Variants in SLC25A51 observed in about 807,000 individuals in gnomAD.
The protein encoded by SLC25A51 is solute carrier family 25 member 51.
In SLC25A51, 11 loss-of-function variants were observed where a neutral mutation model predicts 19.1. The observed-to-expected ratio is 0.58, with a 90% confidence interval of 0.36 to 0.96. SLC25A51 has a LOEUF of 0.96. SLC25A51 is among the 40% of genes least tolerant of loss of function. The pLI is 0.01. For missense variants in SLC25A51, 201 were observed against 365.4 expected, an observed-to-expected ratio of 0.55 and a Z score of 3.67; for synonymous variants, 105 against 133.6, an observed-to-expected ratio of 0.79 and a Z score of 1.47.
At chr9:37,886,328 G>C (rs981092184), downstream of SLC25A51, 19 of 1,613,858 alleles carry the variant, frequency 1.2e-5, no homozygotes, top group African/African-American at 1.2e-4. Flanking sequence ...TATCCCTGAG[G>C]AGCAGCCTGT....
intron 2 of SLC25A51, among the ~76,000 whole-genome samples, chr9:37,895,670 C>T (rs1266825641): frequency 6.6e-6 from 1 of 152,060 alleles, no homozygotes; most frequent in Non-Finnish European, 1.5e-5. Flanking sequence ...CAAATTGTGG[C>T]AAATAATTTT....
intron 2 of SLC25A51, among the ~76,000 whole-genome samples, chr9:37,898,989 T>G (rs1035736062): frequency 8.5e-5 from 13 of 152,170 alleles, no homozygotes; most frequent in African/African-American, 2.9e-4. Context: ...AACCTACTAA[T>G]TACCTACTTA....
At chr9:37,883,138 C>G (rs1564064848), downstream of SLC25A51, among the ~76,000 whole-genome samples, 3 of 152,246 alleles carry the variant, frequency 2.0e-5, no homozygotes, top group Admixed American at 1.3e-4. Flanking sequence ...AGCCACCGCA[C>G]CCGGCCTGCC....
At position 37,887,796 on chromosome 9, in the gene SLC25A51, T is replaced by A; in HGVS notation, c.755A>T (p.Lys252Met). Residue 252 changes from lysine to methionine, a missense_variant, in exon 3 of 3, where the codon AAG (lysine) becomes ATG (methionine). Coordinates refer to ENST00000242275, the MANE Select transcript of SLC25A51 (RefSeq NM_033412.4). ...TTCCAGCCAGATTTTTTGGAAAACC[T>A]TGGGGAAAGACTGAAATTCCCCACC... is the stretch of plus-strand genomic sequence containing the variant. ...QIGGEFQSFP[K>M]VFQKIWLERD... The A allele has an allele frequency of 6.2e-7, 1 of 1,613,816 alleles. No homozygotes were observed. Among genetic ancestry groups the A allele is most frequent in the Non-Finnish European group, 8.5e-7 (1 of 1,179,866 alleles).
intron 2 of SLC25A51, among the ~76,000 whole-genome samples, chr9:37,899,121 C>T (rs1295220050): frequency 1.3e-5 from 2 of 152,208 alleles, no homozygotes. Flanking sequence ...GAGCTAACAA[C>T]ATGTAAAGTG....
chr9:37,889,021 T>TA (rs1170021968), intron 2 of SLC25A51, among the ~76,000 whole-genome samples: 1 of 152,262 alleles, frequency 6.6e-6, no homozygotes, highest in Non-Finnish European at 1.5e-5. Context: ...ATCATTACCT[T>TA]AAAATTCATA....
At chr9:37,884,743 A>G (rs1831412229), downstream of SLC25A51, among the ~76,000 whole-genome samples, 1 of 152,226 alleles carries the variant, frequency 6.6e-6, no homozygotes, top group South Asian at 2.1e-4. Context: ...AGCTAACCAG[A>G]ATTTGATCCA....
At chr9:37,896,670 C>A (rs991030877) in intron 2 of SLC25A51, among the ~76,000 whole-genome samples, 1 of 152,122 alleles carries the variant, frequency 6.6e-6, no homozygotes, top group Non-Finnish European at 1.5e-5. Context: ...GTGGTGTGCA[C>A]CTGTTGTCCC....
At chr9:37,882,762 C>T (rs1831373436), downstream of SLC25A51, among the ~76,000 whole-genome samples, 1 of 152,188 alleles carries the variant, frequency 6.6e-6, no homozygotes, top group African/African-American at 2.4e-5. Flanking sequence ...CCATAAGTGT[C>T]CTGCGCTCAT....
At chr9:37,887,243 G>A (rs1587157308), downstream of SLC25A51, among the ~76,000 whole-genome samples, 1 of 151,950 alleles carries the variant, frequency 6.6e-6, no homozygotes, top group East Asian at 1.9e-4. Context: ...CTTGAACCCT[G>A]GAGGCGGAGG....
chr9:37,885,639 C>G, downstream of SLC25A51: 2 of 861,822 alleles, frequency 2.3e-6, no homozygotes, highest in Non-Finnish European at 4.0e-6. Flanking sequence ...CAACGTGGGC[C>G]TCAGAGAAGA....
chr9:37,898,056 T>G (rs1831759201), intron 2 of SLC25A51, among the ~76,000 whole-genome samples: 1 of 152,210 alleles, frequency 6.6e-6, no homozygotes, highest in Non-Finnish European at 1.5e-5. Context: ...TTAGTGGAGC[T>G]GCAATTATAA....
intron 2 of SLC25A51, among the ~76,000 whole-genome samples, chr9:37,895,669 G>C (rs1831700863): frequency 6.6e-6 from 1 of 152,104 alleles, no homozygotes; most frequent in East Asian, 1.9e-4. Flanking sequence ...TCAAATTGTG[G>C]CAAATAATTT....
At chr9:37,879,440 C>T (rs182932898) in exon 4 of SLC25A51, 110 of 178,384 alleles carry the variant, frequency 6.2e-4, no homozygotes, top group Admixed American at 5.8e-3. Flanking sequence ...AAACTGCAAG[C>T]AAGCACTTTG....
chr9:37,884,608 A>G (rs1831410436), downstream of SLC25A51, among the ~76,000 whole-genome samples: 1 of 152,238 alleles, frequency 6.6e-6, no homozygotes, highest in African/African-American at 2.4e-5. Flanking sequence ...AATGTTATGG[A>G]AGTGTTTATT....
chr9:37,885,659 C>A (rs1831437862), downstream of SLC25A51: 3 of 1,023,794 alleles, frequency 2.9e-6, no homozygotes, highest in African/African-American at 4.7e-5. Flanking sequence ...ACTCGGAACC[C>A]CAAAGGAGTT....
chr9:37,883,137 A>G (rs1216133032), downstream of SLC25A51, among the ~76,000 whole-genome samples: 1 of 152,156 alleles, frequency 6.6e-6, no homozygotes, highest in Non-Finnish European at 1.5e-5. Context: ...GAGCCACCGC[A>G]CCCGGCCTGC....
intron 2 of SLC25A51, among the ~76,000 whole-genome samples, chr9:37,892,353 G>T (rs1020174005): frequency 6.6e-6 from 1 of 152,220 alleles, no homozygotes; most frequent in African/African-American, 2.4e-5. Context: ...TGGAGCAGCA[G>T]AGGCTAAGGC....
downstream of SLC25A51, chr9:37,886,287 G>A (rs765309758): frequency 2.2e-5 from 36 of 1,613,646 alleles, no homozygotes; most frequent in Middle Eastern, 1.6e-4. Context: ...CTATACCAGC[G>A]GGCCAAGAAG....
Sources: gnomAD v4.1 joint callset for allele counts (sites outside exome capture counted in the v4.1 genomes callset) on GRCh38, gnomAD v4.1.1 for gene constraint, MANE v1.5 for transcripts, NCBI Gene and HGNC (gene_info 2026-07-23, HGNC 2026-07-21) for gene names.